NTN1: variants seen among roughly 807,000 people sequenced by gnomAD.
The protein encoded by NTN1 is netrin 1.
Under a neutral mutation model 54.2 loss-of-function variants are expected in NTN1, and 11 were observed. The observed-to-expected ratio is 0.20, with a 90% CI of 0.13 to 0.34. NTN1 has a LOEUF of 0.34. Ranked by LOEUF, NTN1 falls within the 10% of genes least tolerant of loss-of-function variation. The pLI is 1.00. For synonymous variants in NTN1, 371 were observed against 382.0 expected, an observed-to-expected ratio of 0.97 and a Z score of 0.33; for missense variants, 740 against 893.1, an observed-to-expected ratio of 0.83 and a Z score of 2.18.
At chr17:9,084,645 GTTTTT>G (rs35003160) in intron 2 of NTN1, among the ~76,000 whole-genome samples, 5 of 83,318 alleles carry the variant, frequency 6.0e-5, no homozygotes, top group Non-Finnish European at 1.2e-4. Flanking sequence ...GTTCTTTGCA[GTTTTT>G]TTTTTTTTTT....
chr17:9,202,982 C>T lies in NTN1; in HGVS notation c.1412-18186C>T, dbSNP rs535766730. On this transcript the variant is annotated intron_variant, in intron 5 of 6. Transcript: ENST00000173229. Reference sequence around the variant, plus strand: ...TGTCGGCCAGGCTAGAGTGCAGTGGCGCGATCTCCGCTCACTGCAAGCTCC... The same window carrying T: ...TGTCGGCCAGGCTAGAGTGCAGTGGTGCGATCTCCGCTCACTGCAAGCTCC... 1.9e-3 allele frequency among the ~76,000 whole-genome samples: 284 copies of T among 152,146 alleles called. 1 individual carries two copies. Among genetic ancestry groups the T allele is most frequent in the South Asian group, 4.2e-3 (20 of 4,818 alleles).
At chr17:9,146,868 TGGA>T (rs2092315053) in intron 2 of NTN1, among the ~76,000 whole-genome samples, 1 of 152,116 alleles carries the variant, frequency 6.6e-6, no homozygotes, top group South Asian at 2.1e-4. Context: ...TCCCCATATG[TGGA>T]GGAGATGTCC....
upstream of NTN1, among the ~76,000 whole-genome samples, chr17:9,020,811 C>T (rs1049525322): frequency 6.6e-6 from 1 of 152,190 alleles, no homozygotes; most frequent in Non-Finnish European, 1.5e-5. Context: ...AGCTTCCTAC[C>T]CCTTCAGCCT....
intron 6 of NTN1, among the ~76,000 whole-genome samples, chr17:9,237,626 C>T (rs1483957334): frequency 6.6e-6 from 1 of 152,158 alleles, no homozygotes; most frequent in Non-Finnish European, 1.5e-5. Context: ...GCTGGGGACA[C>T]CACAGCTGTA....
intron 2 of NTN1, among the ~76,000 whole-genome samples, chr17:9,120,739 G>C: frequency 6.6e-6 from 1 of 152,340 alleles, no homozygotes; most frequent in East Asian, 1.9e-4. Context: ...AGTCCCCCCA[G>C]CCCCTTCCCA....
chr17:9,007,248 C>T, the NTN1 span, among the ~76,000 whole-genome samples: 5 of 146,152 alleles, frequency 3.4e-5, no homozygotes, highest in East Asian at 1.0e-3. Flanking sequence ...TTCTTTCCTT[C>T]CTTCCTTCTC....
chr17:9,232,986 T>C (rs1905866676), intron 6 of NTN1, among the ~76,000 whole-genome samples: 1 of 152,048 alleles, frequency 6.6e-6, no homozygotes, highest in South Asian at 2.1e-4. Flanking sequence ...ATTCTCCCCC[T>C]CATTTGTCCT....
chr17:9,102,000 CA>C (rs1162130436), intron 2 of NTN1, among the ~76,000 whole-genome samples: 2 of 152,134 alleles, frequency 1.3e-5, no homozygotes, highest in Non-Finnish European at 2.9e-5. Context: ...ATCAACAAAA[CA>C]AAACATAAGA....
intron 2 of NTN1, among the ~76,000 whole-genome samples, chr17:9,024,996 C>G (rs956229707): frequency 2.6e-5 from 4 of 152,140 alleles, no homozygotes; most frequent in Admixed American, 2.6e-4. Context: ...TCCCTTTGTG[C>G]GTAAAAGCCC....
intron 2 of NTN1, among the ~76,000 whole-genome samples, chr17:9,149,564 T>G (rs1219805793): frequency 2.0e-5 from 3 of 152,192 alleles, no homozygotes; most frequent in Non-Finnish European, 4.4e-5. Flanking sequence ...GCCAGGTCCC[T>G]GGCAACATCT....
intron 2 of NTN1, among the ~76,000 whole-genome samples, chr17:9,060,644 C>T (rs2091994348): frequency 6.6e-6 from 1 of 152,132 alleles, no homozygotes; most frequent in Non-Finnish European, 1.5e-5. Flanking sequence ...CTCATAATAT[C>T]TGTTTTGCCA....
intron 2 of NTN1, among the ~76,000 whole-genome samples, chr17:9,130,085 G>C (rs566504805): frequency 2.0e-5 from 3 of 152,266 alleles, no homozygotes; most frequent in Admixed American, 1.3e-4. Context: ...GCTGGGACAC[G>C]TGCAGGGGAG....
chr17:9,227,336 C>G (rs1320559249), intron 6 of NTN1, among the ~76,000 whole-genome samples: 1 of 150,820 alleles, frequency 6.6e-6, no homozygotes, highest in Non-Finnish European at 1.5e-5. Context: ...AACACAGATA[C>G]ACAGACTATC....
chr17:9,172,037 C>T (rs549931637), intron 3 of NTN1, among the ~76,000 whole-genome samples: 8 of 152,012 alleles, frequency 5.3e-5, no homozygotes, highest in South Asian at 2.1e-4. Context: ...TACAGGCATG[C>T]GCCACCACAC....
At chr17:9,110,143 C>G (rs754336409) in intron 2 of NTN1, among the ~76,000 whole-genome samples, 1 of 152,112 alleles carries the variant, frequency 6.6e-6, no homozygotes, top group Non-Finnish European at 1.5e-5. Flanking sequence ...ATGATGCTTC[C>G]CCACCAGGTG....
rs759795524 is a variant in NTN1, at chr17:9,239,999, G to A, written c.*31G>A. Reference sequence around the variant, plus strand: ...AGGCAGCGGGCGGGCGGGCGGGCGGGCGCCAGGGCGGGGCCGAGCGAGAGC... The same window carrying A: ...AGGCAGCGGGCGGGCGGGCGGGCGGACGCCAGGGCGGGGCCGAGCGAGAGC... On this transcript the variant is annotated 3_prime_UTR_variant, in exon 7 of 7. Coordinates refer to ENST00000173229, the MANE Select transcript of NTN1 (RefSeq NM_004822.3). This position sits in a 1 kb window ranked among gnomAD's most constrained non-coding sequence, Gnocchi z 5.2. The A allele has an allele frequency of 2.7e-5, 5 of 183,536 alleles. 1 individual carries two copies. In the South Asian group the frequency reaches 3.3e-4, roughly 12 times the overall value. 11.4% of individuals were successfully genotyped at this position (183,536 alleles called of 1,614,324 possible). A position where few individuals can be genotyped will look rare whatever the true frequency, so the allele number is the denominator to read the frequency against.
intron 5 of NTN1, among the ~76,000 whole-genome samples, chr17:9,192,719 G>A (rs528008559): frequency 2.0e-5 from 3 of 152,158 alleles, no homozygotes; most frequent in East Asian, 1.9e-4. Context: ...GGGCAGCACC[G>A]GGAGACAAAC....
intron 6 of NTN1, among the ~76,000 whole-genome samples, chr17:9,230,456 C>CCG (rs1555579411): frequency 3.3e-5 from 3 of 92,002 alleles, no homozygotes; most frequent in Non-Finnish European, 6.6e-5. Flanking sequence ...TGACCCCCCC[C>CCG]CCGAGTGCCA....
intron 3 of NTN1, among the ~76,000 whole-genome samples, chr17:9,170,520 C>A (rs1179903230): frequency 6.6e-6 from 1 of 152,182 alleles, no homozygotes; most frequent in African/African-American, 2.4e-5. Flanking sequence ...CTGGGCAGGG[C>A]CCCAGGGGTT....
Sources: allele counts gnomAD v4.1 joint callset (sites outside exome capture counted in the v4.1 genomes callset), GRCh38; gene constraint gnomAD v4.1.1; non-coding constraint Gnocchi (gnomAD v3.1); transcripts MANE v1.5; gene names NCBI Gene and HGNC (gene_info 2026-07-23, HGNC 2026-07-21).